Variants in GABRG3 observed in about 807,000 individuals in gnomAD.
The protein encoded by GABRG3 is gamma-aminobutyric acid receptor subunit gamma-3.
Under a neutral mutation model 48.8 loss-of-function variants are expected in GABRG3, and 25 were observed. The observed-to-expected ratio is 0.51, with a 90% confidence interval of 0.37 to 0.72. The LOEUF (loss-of-function observed/expected upper bound fraction) is 0.72, where lower values mean the gene tolerates loss of function less well. Ranked by LOEUF, GABRG3 falls within the 30% of genes least tolerant of loss-of-function variation. The probability of loss-of-function intolerance (pLI) is 0.00; values close to 1 mark genes in which losing one functional copy is unlikely to be tolerated. For missense variants in GABRG3, 394 were observed against 577.9 expected, an observed-to-expected ratio of 0.68 and a Z score of 3.26; for synonymous variants, 227 against 217.6, an observed-to-expected ratio of 1.04 and a Z score of -0.38.
chr15:27,156,700 T>C (rs958111831), intron 3 of GABRG3, among the ~76,000 whole-genome samples: 3 of 152,242 alleles, frequency 2.0e-5, no homozygotes, highest in African/African-American at 7.2e-5. Context: ...GCTCACTGTT[T>C]TCTTGACAAG....
intron 2 of GABRG3, among the ~76,000 whole-genome samples, chr15:26,983,748 T>C (rs2140640440): frequency 6.6e-6 from 1 of 152,302 alleles, no homozygotes; most frequent in South Asian, 2.1e-4. Flanking sequence ...CACTCCAGCC[T>C]GGTAGATGGT....
chr15:27,375,468 G>T (rs1343304470), intron 5 of GABRG3, among the ~76,000 whole-genome samples: 1 of 152,182 alleles, frequency 6.6e-6, no homozygotes, highest in Non-Finnish European at 1.5e-5. Context: ...TGCAGGGACA[G>T]CCGAGGGCAT....
chr15:27,138,054 T>A (rs1254635168), intron 3 of GABRG3, among the ~76,000 whole-genome samples: 1 of 152,230 alleles, frequency 6.6e-6, no homozygotes, highest in Non-Finnish European at 1.5e-5. Context: ...CCTATATTAT[T>A]TGTAAATATT....
intron 3 of GABRG3, among the ~76,000 whole-genome samples, chr15:27,058,412 G>A (rs1169413797): frequency 3.3e-5 from 5 of 152,108 alleles, no homozygotes; most frequent in East Asian, 1.9e-4. Flanking sequence ...TTTTGGAGGC[G>A]TCCATTAGGG....
intron 3 of GABRG3, among the ~76,000 whole-genome samples, chr15:27,112,879 C>T (rs1296239083): frequency 6.6e-6 from 1 of 152,146 alleles, no homozygotes; most frequent in Non-Finnish European, 1.5e-5. Flanking sequence ...AGACCTTTTT[C>T]CCCGTTGTAT....
chr15:27,480,363 T>C (rs1411892295), intron 5 of GABRG3, among the ~76,000 whole-genome samples: 2 of 152,198 alleles, frequency 1.3e-5, no homozygotes, highest in African/African-American at 4.8e-5. Context: ...ACGGCAGCTG[T>C]GGCTCTCCAA....
rs1343329310 is a variant in GABRG3, at chr15:26,976,834, T to C, written c.54-168T>C. ...TCTTCCTATGGAATCATTCGTATTT[T>C]GTGTTTCTTTCTTTTTAGAAAATAT... is the stretch of plus-strand genomic sequence containing the variant. On this transcript the variant is annotated intron_variant, in intron 1 of 9. Coordinates refer to ENST00000615808, the MANE Select transcript of GABRG3 (RefSeq NM_033223.5). The surrounding 1 kb of genome is among the most constrained non-coding windows in gnomAD (Gnocchi z 7.8). Among the ~76,000 whole-genome samples, 1 of 152,186 alleles carries C rather than the reference T, an allele frequency of 6.6e-6. No homozygotes were observed. Among genetic ancestry groups the C allele is most frequent in the Non-Finnish European group, 1.5e-5 (1 of 68,030 alleles).
chr15:27,313,558 G>A (rs1555370959), intron 3 of GABRG3, among the ~76,000 whole-genome samples: 1 of 151,192 alleles, frequency 6.6e-6, no homozygotes, highest in Non-Finnish European at 1.5e-5. Context: ...CACTTAAAAC[G>A]TTCCCCAGGA....
intron 3 of GABRG3, among the ~76,000 whole-genome samples, chr15:27,201,233 C>G (rs1888669678): frequency 6.6e-6 from 1 of 151,618 alleles, no homozygotes; most frequent in Non-Finnish European, 1.5e-5. Flanking sequence ...TCCCGCCCCT[C>G]AAGTATGGAC....
chr15:27,385,088 T>G (rs1019555672), intron 5 of GABRG3, among the ~76,000 whole-genome samples: 4 of 152,164 alleles, frequency 2.6e-5, no homozygotes, highest in African/African-American at 9.7e-5. Flanking sequence ...TCTGATGCTT[T>G]GACATCATGA....
chr15:27,295,708 GC>G (rs1891959605), intron 3 of GABRG3, among the ~76,000 whole-genome samples: 1 of 152,180 alleles, frequency 6.6e-6, no homozygotes, highest in Admixed American at 6.5e-5. Flanking sequence ...TAGAGTGCAA[GC>G]CCCTCCCAGA....
chr15:27,227,361 G>A (rs1374212842), intron 3 of GABRG3, among the ~76,000 whole-genome samples: 1 of 151,942 alleles, frequency 6.6e-6, no homozygotes, highest in Non-Finnish European at 1.5e-5. Context: ...CCTGGGCGTG[G>A]TGGTGTGCAC....
chr15:27,062,142 A>G (rs1896657590), intron 3 of GABRG3, among the ~76,000 whole-genome samples: 1 of 151,976 alleles, frequency 6.6e-6, no homozygotes, highest in African/African-American at 2.4e-5. Context: ...GAGTTTCCAG[A>G]CCTGGCCATC....
At chr15:27,340,940 C>G (rs1415896489) in intron 5 of GABRG3, 4 of 490,294 alleles carry the variant, frequency 8.2e-6, no homozygotes, top group Non-Finnish European at 1.6e-5. Flanking sequence ...TTTTTAAGAA[C>G]AGAGATTCAA....
At chr15:27,252,700 G>A (rs1192910411) in intron 3 of GABRG3, among the ~76,000 whole-genome samples, 9 of 152,172 alleles carry the variant, frequency 5.9e-5, no homozygotes, top group Admixed American at 5.9e-4. Context: ...CCTCCCACCT[G>A]CAGGTCTGAC....
rs541310068 is a variant in GABRG3 at position 27,460,723 on chromosome 15, G to A, written c.575-19927G>A. Among the ~76,000 whole-genome samples the A allele has an allele frequency of 2.0e-5, 3 of 152,230 alleles. No individual in the cohort carries two copies. The East Asian group carries it at 5.8e-4, about 29-fold the overall frequency. The stretch of plus-strand genomic sequence containing the variant: ...TAAAAAATCTGGGGTGGACAGAAAG[G>A]AATGTTAAGATCTGGCCCGAGGACA... On this transcript the variant is annotated intron_variant, in intron 5 of 9. Transcript: ENST00000615808.
intron 3 of GABRG3, among the ~76,000 whole-genome samples, chr15:27,218,321 G>A (rs1012693013): frequency 6.6e-5 from 10 of 152,100 alleles, no homozygotes; most frequent in South Asian, 4.1e-4. Context: ...TGTCTTATTC[G>A]TGGCAGGAAA....
At position 27,237,522 on chromosome 15, in the gene GABRG3, G is replaced by A. The variant is rs367972719; in HGVS notation, c.271-89287G>A. Among the ~76,000 whole-genome samples, 11 of 152,310 alleles carry A rather than the reference G, an allele frequency of 7.2e-5. No individual in the cohort carries two copies. In the Middle Eastern group the frequency reaches 0.01, roughly 141 times the overall value. On this transcript the variant is annotated intron_variant, in intron 3 of 9. Coordinates refer to ENST00000615808, the MANE Select transcript of GABRG3 (RefSeq NM_033223.5). ...GGGCAGCAGGACCTTGACCTGCCCCGAGAGGAACAGAAAACAGCTCCATGG... is the reference window on the plus strand; with the variant it reads ...GGGCAGCAGGACCTTGACCTGCCCCAAGAGGAACAGAAAACAGCTCCATGG...
intron 6 of GABRG3, among the ~76,000 whole-genome samples, chr15:27,499,102 C>A (rs1445522815): frequency 6.6e-6 from 1 of 152,162 alleles, no homozygotes; most frequent in African/African-American, 2.4e-5. Context: ...CCAAGATAAC[C>A]AACCTCATAT....
Sources: allele counts gnomAD v4.1 joint callset (sites outside exome capture counted in the v4.1 genomes callset), GRCh38; gene constraint gnomAD v4.1.1; non-coding constraint Gnocchi (gnomAD v3.1); transcripts MANE v1.5; gene names NCBI Gene and HGNC (gene_info 2026-07-23, HGNC 2026-07-21).